CDH4: variants seen among roughly 807,000 people sequenced by gnomAD.
The protein encoded by CDH4 is cadherin 4, also known as cadherin-4.
A neutral mutation model predicts 86.0 loss-of-function variants in CDH4; 33 were observed. The observed-to-expected ratio is 0.38, with a 90% confidence interval of 0.29 to 0.51. The LOEUF (loss-of-function observed/expected upper bound fraction) is 0.51, where lower values mean the gene tolerates loss of function less well. Among genes scored for constraint, CDH4 ranks in the 20% least tolerant of loss-of-function variants. CDH4 has a pLI of 0.86. For synonymous variants in CDH4, 555 were observed against 549.4 expected (o/e 1.01, Z -0.14); for missense variants, 1,114 against 1,307.4 (o/e 0.85, Z 2.28).
chr20:61,451,085 C>T (rs979877917), intron 2 of CDH4, among the ~76,000 whole-genome samples: 4 of 151,148 alleles, frequency 2.6e-5, no homozygotes, highest in African/African-American at 9.7e-5. Context: ...GGAATAGATG[C>T]TCACCAGCTT....
intron 2 of CDH4, among the ~76,000 whole-genome samples, chr20:61,672,985 CAG>C: frequency 6.6e-6 from 1 of 152,106 alleles, no homozygotes; most frequent in South Asian, 2.1e-4. Flanking sequence ...AGGAGAGTGA[CAG>C]AGAAAGAAAG....
intron 2 of CDH4, among the ~76,000 whole-genome samples, chr20:61,529,226 A>G (rs2085934853): frequency 6.6e-6 from 1 of 152,256 alleles, no homozygotes; most frequent in African/African-American, 2.4e-5. Context: ...AAATTTACAT[A>G]GGTAAGCACC....
intron 2 of CDH4, among the ~76,000 whole-genome samples, chr20:61,429,582 G>T (rs1000854239): frequency 1.3e-5 from 2 of 151,874 alleles, no homozygotes; most frequent in Admixed American, 6.6e-5. Flanking sequence ...TGGACAGATG[G>T]GTGGGTGGGT....
At chr20:61,849,190 C>G (rs1982598910) in intron 5 of CDH4, among the ~76,000 whole-genome samples, 1 of 152,042 alleles carries the variant, frequency 6.6e-6, no homozygotes, top group Admixed American at 6.5e-5. Context: ...AGATGGAGGC[C>G]TTGGGGATGC....
chr20:61,882,336 C>T (rs1344608548), intron 7 of CDH4, among the ~76,000 whole-genome samples: 4 of 152,248 alleles, frequency 2.6e-5, no homozygotes, highest in African/African-American at 4.8e-5. Context: ...GTGCCCTCAG[C>T]GGCACGGCCC....
Position 61,447,508 on chromosome 20 carries a change from G to C in CDH4, c.169+192571G>C, listed in dbSNP as rs147725658. On this transcript the variant is annotated intron_variant, in intron 2 of 15. Transcript: ENST00000614565. ...TGTTTTCGATATAAAGGCTTTCCTG[G>C]TATTTGGAAGTCATGCTTTTCAGTC... is the stretch of plus-strand genomic sequence containing the variant. Among the ~76,000 whole-genome samples the C allele has an allele frequency of 5.7e-3, 859 of 151,746 alleles. 10 individuals carry two copies. The highest frequency in any genetic ancestry group is 0.02 in the African/African-American group (823 of 41,396).
At chr20:61,312,998 T>A (rs541702507) in intron 2 of CDH4, among the ~76,000 whole-genome samples, 4 of 152,146 alleles carry the variant, frequency 2.6e-5, no homozygotes. Flanking sequence ...GTCTCACTCC[T>A]GTGGGGTTGC....
rs1219278473 is a variant in CDH4 at position 61,811,001 on chromosome 20, C to T, written c.577-33667C>T. 6.6e-6 allele frequency among the ~76,000 whole-genome samples: 1 copy of T among 152,234 alleles called. No homozygotes were observed. The highest frequency in any genetic ancestry group is 2.4e-5 in the African/African-American group (1 of 41,468). ...TAACGGGAGCTAGAAAGGAATCAGT[C>T]AAACGAACTCATGGCTCTTCATCCC... On this transcript the variant is annotated intron_variant, in intron 4 of 15. Coordinates refer to ENST00000614565, the MANE Select transcript of CDH4 (RefSeq NM_001794.5). This position sits in a 1 kb window ranked among gnomAD's most constrained non-coding sequence, Gnocchi z 4.4.
At chr20:61,563,120 C>T (rs536793867) in intron 2 of CDH4, among the ~76,000 whole-genome samples, 1 of 152,380 alleles carries the variant, frequency 6.6e-6, no homozygotes, top group Non-Finnish European at 1.5e-5. Flanking sequence ...CTGCTCTTAG[C>T]TCCAGAGTCC....
chr20:61,701,270 C>T, intron 2 of CDH4, among the ~76,000 whole-genome samples: 1 of 152,224 alleles, frequency 6.6e-6, no homozygotes, highest in East Asian at 1.9e-4. Flanking sequence ...ATTTCATGTG[C>T]CATGACCCCA....
intron 2 of CDH4, among the ~76,000 whole-genome samples, chr20:61,445,272 G>A (rs1397331014): frequency 1.3e-5 from 2 of 152,160 alleles, no homozygotes; most frequent in Non-Finnish European, 2.9e-5. Context: ...GAGGCCTGTG[G>A]AGAGCCAGGC....
At chr20:61,680,441 G>A (rs1311172074) in intron 2 of CDH4, among the ~76,000 whole-genome samples, 1 of 152,226 alleles carries the variant, frequency 6.6e-6, no homozygotes, top group Non-Finnish European at 1.5e-5. Context: ...AATGTGATGG[G>A]AGGCTGTGGG....
intron 4 of CDH4, among the ~76,000 whole-genome samples, chr20:61,779,155 T>G (rs1978398951): frequency 6.6e-6 from 1 of 152,204 alleles, no homozygotes; most frequent in African/African-American, 2.4e-5. Flanking sequence ...AAGAAGAGCA[T>G]CTATTGCTTG....
rs564085402 is a variant in CDH4 at position 61,925,034 on chromosome 20, A to T, written c.1771+558A>T. ...CACGGCACAGACCCCTGTGGCCCTTAGTCACAGCAGGAGGCATGAGACCCT... is the reference window on the plus strand; with the variant it reads ...CACGGCACAGACCCCTGTGGCCCTTTGTCACAGCAGGAGGCATGAGACCCT... On this transcript the variant is annotated intron_variant, in intron 11 of 15. Coordinates refer to ENST00000614565, the MANE Select transcript of CDH4 (RefSeq NM_001794.5). Among the ~76,000 whole-genome samples the T allele has an allele frequency of 2.6e-5, 4 of 152,232 alleles. No homozygotes were observed. In the South Asian group the frequency reaches 8.3e-4, roughly 32 times the overall value.
At chr20:61,566,831 C>A (rs1011793557) in intron 2 of CDH4, among the ~76,000 whole-genome samples, 1 of 152,094 alleles carries the variant, frequency 6.6e-6, no homozygotes, top group Non-Finnish European at 1.5e-5. Flanking sequence ...CTCCGGGCTG[C>A]GCCTCCTCGG....
intron 9 of CDH4, among the ~76,000 whole-genome samples, chr20:61,913,043 C>T (rs979400988): frequency 6.6e-6 from 1 of 152,130 alleles, no homozygotes; most frequent in Admixed American, 6.5e-5. Context: ...TAGCGAGCCT[C>T]GGCCCATCTC....
At chr20:61,303,100 C>T (rs1485736482) in intron 2 of CDH4, among the ~76,000 whole-genome samples, 1 of 152,172 alleles carries the variant, frequency 6.6e-6, no homozygotes, top group Non-Finnish European at 1.5e-5. Flanking sequence ...TCACATTAAG[C>T]CATGGGGTTT....
At chr20:61,885,128 G>A (rs909305466) in intron 7 of CDH4, among the ~76,000 whole-genome samples, 6 of 152,166 alleles carry the variant, frequency 3.9e-5, no homozygotes, top group East Asian at 3.9e-4. Flanking sequence ...GACTGAAGTC[G>A]ACACATAGCA....
chr20:61,930,272 T>G (rs578252633), intron 13 of CDH4, among the ~76,000 whole-genome samples: 1 of 152,226 alleles, frequency 6.6e-6, no homozygotes, highest in Non-Finnish European at 1.5e-5. Context: ...CATGCACACC[T>G]TGGAGCCAAT....
Sources: gnomAD v4.1 joint callset for allele counts (sites outside exome capture counted in the v4.1 genomes callset) on GRCh38, gnomAD v4.1.1 for gene constraint, Gnocchi (gnomAD v3.1) non-coding constraint, MANE v1.5 for transcripts, NCBI Gene and HGNC (gene_info 2026-07-23, HGNC 2026-07-21) for gene names.